Variants in ZNF589 observed in about 807,000 individuals in gnomAD.
ZNF589 encodes KRAB-zinc finger protein SZF1-1.
Under a neutral mutation model 13.6 loss-of-function variants are expected in ZNF589, and 17 were observed. That is an observed-to-expected ratio of 1.25 (90% CI 0.86 to 1.88). The LOEUF (loss-of-function observed/expected upper bound fraction) is 1.88, where lower values mean the gene tolerates loss of function less well. Ranked by LOEUF, ZNF589 falls within the 40% of genes most tolerant of loss-of-function variation. The pLI, the probability that ZNF589 is intolerant of heterozygous loss-of-function variation, is 0.00. For synonymous variants in ZNF589, 148 were observed against 161.6 expected, an observed-to-expected ratio of 0.92 and a Z score of 0.64; for missense variants, 407 against 434.0, an observed-to-expected ratio of 0.94 and a Z score of 0.55.
chr3:48,254,356 C>T (rs2033874076), intron 2 of ZNF589, among the ~76,000 whole-genome samples: 1 of 152,240 alleles, frequency 6.6e-6, no homozygotes. Flanking sequence ...GCCCATACCA[C>T]ACTGTCTTGA....
In ZNF589 at chr3:48,267,911, TCAG is replaced by T; in HGVS notation, c.224_226del. 1 of 1,600,290 alleles carries T rather than the reference TCAG, an allele frequency of 6.2e-7. No homozygotes were observed. The highest frequency in any genetic ancestry group is 8.5e-7 in the Non-Finnish European group (1 of 1,176,150). On this transcript the variant is annotated splice_acceptor_variant and splice_polypyrimidine_tract_variant and intron_variant, in intron 3 of 3. Coordinates refer to ENST00000354698, the MANE Select transcript of ZNF589 (RefSeq NM_016089.3). LOFTEE classifies it high-confidence loss of function. ...TCTTCTGACTGGAAACTTTCTTTCT[TCAG>T]CAGAATCAAAGCCAGAAGTCCATAC...
chr3:48,255,236 C>T (rs1239140286), intron 2 of ZNF589, among the ~76,000 whole-genome samples: 11 of 150,818 alleles, frequency 7.3e-5, no homozygotes, highest in Non-Finnish European at 1.0e-4. Flanking sequence ...AGTGCAGCAG[C>T]GCCATCTTGG....
At position 48,246,237 on chromosome 3, in the gene ZNF589, G is replaced by A. The variant is rs186989213; in HGVS notation, c.44-1388G>A. On this transcript the variant is annotated intron_variant, in intron 1 of 3. Coordinates refer to ENST00000354698, the MANE Select transcript of ZNF589 (RefSeq NM_016089.3). ...TGGGAGGATCACTTGAGCCCAGGAG[G>A]TGGAGGTTGTAATGAGCAGAGATTG... is the stretch of plus-strand genomic sequence containing the variant. Among the ~76,000 whole-genome samples the A allele has an allele frequency of 1.9e-3, 293 of 152,226 alleles. 3 individuals are homozygous for A. The highest frequency in any genetic ancestry group is 6.5e-3 in the African/African-American group (271 of 41,540).
intron 3 of ZNF589, among the ~76,000 whole-genome samples, chr3:48,263,115 CTT>C (rs1179840215): frequency 6.8e-6 from 1 of 146,370 alleles, no homozygotes; most frequent in Non-Finnish European, 1.5e-5. Flanking sequence ...TTCTTTTTTT[CTT>C]TTTTTTTTTG....
chr3:48,266,927 C>T (rs866639900), intron 3 of ZNF589, among the ~76,000 whole-genome samples: 1 of 152,094 alleles, frequency 6.6e-6, no homozygotes, highest in Non-Finnish European at 1.5e-5. Context: ...ATGACCTATA[C>T]GGGAATGCTC....
chr3:48,241,115 T>G lies in ZNF589; in HGVS notation c.-57T>G, dbSNP rs1221847998. 8.7e-6 allele frequency: 14 copies of G among 1,610,154 alleles called. No individual in the cohort carries two copies. Among genetic ancestry groups the G allele is most frequent in the African/African-American group, 5.3e-5 (4 of 74,796 alleles). On this transcript the variant is annotated 5_prime_UTR_variant, in exon 1 of 4. Coordinates refer to ENST00000354698, the MANE Select transcript of ZNF589 (RefSeq NM_016089.3). ...CAGTGGCCCGCGGTGCGCATTCTAA[T>G]CCGTTTCACACACGGTGCTGCTACC...
chr3:48,255,557 G>T (rs953907187), intron 2 of ZNF589, among the ~76,000 whole-genome samples: 1 of 138,250 alleles, frequency 7.2e-6, no homozygotes, highest in African/African-American at 2.8e-5. Flanking sequence ...GCAGTAGTGC[G>T]ATCTTGGCTC....
intron 2 of ZNF589, among the ~76,000 whole-genome samples, chr3:48,249,107 C>CT (rs11439670): frequency 0.27 from 39,408 of 143,876 alleles, 5,617 homozygotes; most frequent in Non-Finnish European, 0.3. Flanking sequence ...CTTTTTTTTT[C>CT]TTTTTTTTTT....
In ZNF589 at chr3:48,269,600, G is replaced by T. The variant is rs533302003; in HGVS notation, c.*814G>T. Reference sequence around the variant, plus strand: ...CTTACATCAGAGGATACACTCGGGGGAGAAGCCTTATGCATGCGTGGAGTG... The same window carrying T: ...CTTACATCAGAGGATACACTCGGGGTAGAAGCCTTATGCATGCGTGGAGTG... On this transcript the variant is annotated 3_prime_UTR_variant, in exon 4 of 4. Coordinates refer to ENST00000354698, the MANE Select transcript of ZNF589 (RefSeq NM_016089.3). 5.0e-5 allele frequency: 17 copies of T among 341,498 alleles called. No individual in the cohort carries two copies. The highest frequency in any genetic ancestry group is 4.3e-4 in the South Asian group (17 of 39,342). 21.2% of individuals were successfully genotyped at this position (341,498 alleles called of 1,614,324 possible). A position where few individuals can be genotyped will look rare whatever the true frequency, so the allele number is the denominator to read the frequency against.
At chr3:48,251,409 A>T (rs1007414486) in intron 2 of ZNF589, among the ~76,000 whole-genome samples, 2 of 150,638 alleles carry the variant, frequency 1.3e-5, no homozygotes, top group Non-Finnish European at 2.9e-5. Context: ...AAAAAAAAAA[A>T]ATTAGCTGGG....
chr3:48,253,621 T>C (rs1471420443), intron 2 of ZNF589, among the ~76,000 whole-genome samples: 2 of 150,010 alleles, frequency 1.3e-5, no homozygotes, highest in Non-Finnish European at 3.0e-5. Context: ...TGTCTCAGCC[T>C]CCCGAGTAGC....
chr3:48,269,711 G>A lies in ZNF589; in HGVS notation c.*925G>A. On this transcript the variant is annotated 3_prime_UTR_variant, in exon 4 of 4. Coordinates refer to ENST00000354698, the MANE Select transcript of ZNF589 (RefSeq NM_016089.3). ...AAGCTTTAGAGGTGCAAGGAGTGAG[G>A]ATGTGATTTTAGCAACAAGTCAGCC... 1 of 341,040 alleles carries A rather than the reference G, an allele frequency of 2.9e-6. No homozygotes were observed. Among genetic ancestry groups the A allele is most frequent in the South Asian group, 2.4e-5 (1 of 41,366 alleles). The allele number at this position is 341,040 out of a possible 1,614,324, so 21.1% of individuals were successfully genotyped here. A position where few individuals can be genotyped will look rare whatever the true frequency, so the allele number is the denominator to read the frequency against.
chr3:48,252,704 C>T (rs1362751733), intron 2 of ZNF589, among the ~76,000 whole-genome samples: 1 of 144,660 alleles, frequency 6.9e-6, no homozygotes, highest in Non-Finnish European at 1.5e-5. Context: ...TCACTGCAGG[C>T]TCCGCCCCCT....
intron 2 of ZNF589, among the ~76,000 whole-genome samples, chr3:48,259,177 C>T (rs189633487): frequency 4.6e-5 from 7 of 152,298 alleles, no homozygotes; most frequent in East Asian, 1.9e-4. Flanking sequence ...TGTCCTCCCT[C>T]GTACACTGTG....
At chr3:48,256,639 C>T (rs746995548) in intron 2 of ZNF589, 184 of 989,304 alleles carry the variant, frequency 1.9e-4, no homozygotes, top group Non-Finnish European at 2.7e-4. Flanking sequence ...TCTTTCGGGG[C>T]AGCATGCCTC....
At chr3:48,245,471 A>G (rs1039524593) in intron 1 of ZNF589, among the ~76,000 whole-genome samples, 1 of 152,038 alleles carries the variant, frequency 6.6e-6, no homozygotes, top group African/African-American at 2.4e-5. Flanking sequence ...GTCAAGGAGG[A>G]AGCTTCAGAC....
intron 3 of ZNF589, among the ~76,000 whole-genome samples, chr3:48,263,703 G>T (rs1000096079): frequency 1.3e-5 from 2 of 152,190 alleles, no homozygotes; most frequent in Non-Finnish European, 1.5e-5. Context: ...AGGTTGCAGT[G>T]AGCTGAAATT....
rs1405892057 is a variant in ZNF589, at chr3:48,269,343, C to A, written c.*557C>A. Reference sequence around the variant, plus strand: ...CTCCACTACCACCGGAGTACACACTCCAAGGAAAAACCTTATGTGTGCAGC... The same window carrying A: ...CTCCACTACCACCGGAGTACACACTACAAGGAAAAACCTTATGTGTGCAGC... On this transcript the variant is annotated 3_prime_UTR_variant, in exon 4 of 4. Transcript: ENST00000354698. The A allele has an allele frequency of 6.8e-6, 8 of 1,182,350 alleles. No homozygotes were observed. In the Admixed American group the frequency reaches 1.3e-4, roughly 20 times the overall value. The allele number at this position is 1,182,350 out of a possible 1,614,324, so 73.2% of individuals were successfully genotyped here.
At chr3:48,241,875 C>T (rs1345641842) in intron 1 of ZNF589, among the ~76,000 whole-genome samples, 9 of 151,592 alleles carry the variant, frequency 5.9e-5, no homozygotes, top group African/African-American at 2.2e-4. Flanking sequence ...AGTGCAGTGG[C>T]GGGATCTAGG....
Sources: allele counts gnomAD v4.1 joint callset (sites outside exome capture counted in the v4.1 genomes callset), GRCh38; gene constraint gnomAD v4.1.1; transcripts MANE v1.5; gene names NCBI Gene and HGNC (gene_info 2026-07-23, HGNC 2026-07-21).